The following COBL variants were observed in gnomAD, a reference collection of about 807,000 sequenced individuals.
COBL encodes the protein protein cordon-bleu.
Under a neutral mutation model 98.8 loss-of-function variants are expected in COBL, and 51 were observed. The observed-to-expected ratio is 0.52, with a 90% CI of 0.41 to 0.65. The LOEUF (loss-of-function observed/expected upper bound fraction) is 0.65, where lower values mean the gene tolerates loss of function less well. COBL is among the 30% of genes least tolerant of loss of function. The probability of loss-of-function intolerance (pLI) is 0.00; values close to 1 mark genes in which losing one functional copy is unlikely to be tolerated. For synonymous variants in COBL, 634 were observed against 651.7 expected, an observed-to-expected ratio of 0.97 and a Z score of 0.41; for missense variants, 1,617 against 1,617.5, an observed-to-expected ratio of 1.00 and a Z score of 0.01.
At chr7:51,083,990 G>T (rs1042582087) in intron 7 of COBL, among the ~76,000 whole-genome samples, 5 of 152,162 alleles carry the variant, frequency 3.3e-5, no homozygotes, top group Non-Finnish European at 5.9e-5. Context: ...AGCTTGGAAG[G>T]GAGAATGGGG....
At chr7:51,260,717 G>C (rs1335790617) in intron 1 of COBL, among the ~76,000 whole-genome samples, 1 of 152,222 alleles carries the variant, frequency 6.6e-6, no homozygotes, top group Non-Finnish European at 1.5e-5. Context: ...TGGGATGTGT[G>C]AAGAACTGGG....
At chr7:51,245,850 C>G (rs998568274) in intron 1 of COBL, among the ~76,000 whole-genome samples, 2 of 152,152 alleles carry the variant, frequency 1.3e-5, no homozygotes, top group Middle Eastern at 3.2e-3. Flanking sequence ...TTAAAGTTTT[C>G]TTATTGACAT....
intron 1 of COBL, among the ~76,000 whole-genome samples, chr7:51,288,985 T>G (rs1800645101): frequency 6.7e-6 from 1 of 149,688 alleles, no homozygotes; most frequent in Non-Finnish European, 1.5e-5. Context: ...TCCTCAGGAG[T>G]GCAGGGCCAA....
intron 1 of COBL, among the ~76,000 whole-genome samples, chr7:51,253,930 C>T (rs949894336): frequency 2.6e-5 from 4 of 152,086 alleles, no homozygotes; most frequent in Admixed American, 6.6e-5. Flanking sequence ...AATTTTGATG[C>T]TATTCTGTTT....
intron 7 of COBL, chr7:51,071,043 T>C (rs1431534674): frequency 6.6e-6 from 1 of 152,196 alleles, no homozygotes; most frequent in Non-Finnish European, 1.5e-5. Flanking sequence ...TAATGCATAG[T>C]TTTTCTTTTA....
At chr7:51,182,577 C>T (rs535698133) in intron 5 of COBL, among the ~76,000 whole-genome samples, 4 of 151,610 alleles carry the variant, frequency 2.6e-5, no homozygotes, top group East Asian at 2.0e-4. Context: ...CCACCGCGCC[C>T]GGCCACAAAA....
Position 51,017,547 on chromosome 7 carries a change from T to C in COBL, c.*4A>G. On this transcript the variant is annotated 3_prime_UTR_variant, in exon 13 of 13. Coordinates refer to ENST00000265136, the MANE Select transcript of COBL (RefSeq NM_015198.5). ...GTTTCTGCAATTCTCTGGCCTCTGT[T>C]CATTCACACGAGCAAGGGCACCTGC... The C allele has an allele frequency of 6.2e-7, 1 of 1,614,016 alleles. No individual in the cohort carries two copies. The highest frequency in any genetic ancestry group is 8.5e-7 in the Non-Finnish European group (1 of 1,179,872).
chr7:51,312,861 T>C (rs1803190752), intron 1 of COBL, among the ~76,000 whole-genome samples: 1 of 152,220 alleles, frequency 6.6e-6, no homozygotes, highest in African/African-American at 2.4e-5. Flanking sequence ...ATTTTAATCA[T>C]ACTTCAGTTC....
At chr7:51,120,421 C>T (rs1020212173) in intron 6 of COBL, among the ~76,000 whole-genome samples, 3 of 152,110 alleles carry the variant, frequency 2.0e-5, no homozygotes, top group Non-Finnish European at 4.4e-5. Flanking sequence ...AAAGATCTTA[C>T]TTAAGGTTAT....
In COBL at chr7:51,043,456, C is replaced by A. The variant is rs756323456; in HGVS notation, c.1333G>T (p.Ala445Ser). ...DQEDCSDQDL[A>S]GTPDLGPQKS... ...TGGGGACCCAGGTCTGGGGTTCCAG[C>A]GAGGTCCTGGTCACTGCAGTCTTCC... The change falls in exon 8 of 13, where the codon GCT becomes TCT. Residue 445 changes from alanine (A) to serine (S), a missense_variant. This residue lies in a region of COBL where 1,304 missense variants were observed against 1,282.0 expected (regional missense o/e 1.02). Transcript: ENST00000265136. 1.1e-5 allele frequency: 17 copies of A among 1,614,096 alleles called. No individual in the cohort carries two copies. Among genetic ancestry groups the A allele is most frequent in the African/African-American group, 6.7e-5 (5 of 74,932 alleles).
chr7:51,243,318 C>T (rs1009702833), intron 1 of COBL, among the ~76,000 whole-genome samples: 4 of 152,144 alleles, frequency 2.6e-5, no homozygotes, highest in African/African-American at 7.2e-5. Flanking sequence ...CCCTTATGTG[C>T]GAGTCACCTC....
chr7:51,017,669 G>A lies in COBL; in HGVS notation c.3769-101C>T, dbSNP rs1786406293. The A allele has an allele frequency of 4.0e-6, 5 of 1,244,890 alleles. 1 individual carries two copies. Among genetic ancestry groups the A allele is most frequent in the Middle Eastern group, 2.1e-4 (1 of 4,770 alleles). 77.1% of individuals were successfully genotyped at this position (1,244,890 alleles called of 1,614,324 possible). On this transcript the variant is annotated intron_variant, in intron 12 of 12. Transcript: ENST00000265136. ...TCTGTGCACAGCCACTCTTGCAATA[G>A]TACTCCTGGAACCCCCTTCCCAGTT...
chr7:51,308,244 G>A (rs1802672941), intron 1 of COBL, among the ~76,000 whole-genome samples: 1 of 152,152 alleles, frequency 6.6e-6, no homozygotes, highest in Non-Finnish European at 1.5e-5. Context: ...TTAGCCACAT[G>A]AACAAAAGTA....
At chr7:51,305,878 CA>C (rs1011636623) in intron 1 of COBL, among the ~76,000 whole-genome samples, 3 of 151,890 alleles carry the variant, frequency 2.0e-5, no homozygotes, top group African/African-American at 4.8e-5. Flanking sequence ...TACTAAAATA[CA>C]AAAAAAATTG....
At chr7:51,114,371 A>C (rs76505012) in intron 6 of COBL, among the ~76,000 whole-genome samples, 1 of 42,668 alleles carries the variant, frequency 2.3e-5, no homozygotes, top group Admixed American at 2.8e-4. Context: ...CGTACTCCAG[A>C]AAAAAAAAAA....
Position 51,172,440 on chromosome 7 carries a change from G to A in COBL, c.783+11662C>T, listed in dbSNP as rs1382227932. 6 of 1,280,762 alleles carry A rather than the reference G, an allele frequency of 4.7e-6. No individual in the cohort carries two copies. In the African/African-American group the frequency reaches 6.1e-5, roughly 13 times the overall value. The allele number at this position is 1,280,762 out of a possible 1,614,324, so 79.3% of individuals were successfully genotyped here. On this transcript the variant is annotated intron_variant, in intron 5 of 12. Transcript: ENST00000265136. ...AAGCAATTAGCGGAAGCACCTGCTG[G>A]GGCATTAGTACTCACGTTCAAACCC...
intron 6 of COBL, among the ~76,000 whole-genome samples, chr7:51,119,324 A>G (rs1797547441): frequency 6.6e-6 from 1 of 152,154 alleles, no homozygotes; most frequent in Non-Finnish European, 1.5e-5. Context: ...GTAGCTCAAT[A>G]CTAAGGGAAA....
intron 10 of COBL, among the ~76,000 whole-genome samples, chr7:51,026,962 T>G (rs1787637196): frequency 6.6e-6 from 1 of 152,188 alleles, no homozygotes; most frequent in South Asian, 2.1e-4. Context: ...TTTTACACCC[T>G]GTCTATGAGA....
intron 5 of COBL, among the ~76,000 whole-genome samples, chr7:51,177,780 AAAT>A (rs1562999949): frequency 2.4e-3 from 49 of 20,200 alleles, no homozygotes; most frequent in African/African-American, 5.5e-3. Flanking sequence ...TCAAAAAAAT[AAAT>A]AAATAAATAA....
Sources: allele counts gnomAD v4.1 joint callset (sites outside exome capture counted in the v4.1 genomes callset), GRCh38; gene constraint gnomAD v4.1.1; regional missense constraint gnomAD v4.1.1; transcripts MANE v1.5; gene names NCBI Gene and HGNC (gene_info 2026-07-23, HGNC 2026-07-21).